The following LRP1B variants were observed in gnomAD, a reference collection of about 807,000 sequenced individuals.
LRP1B encodes LDL receptor related protein 1B.
A neutral mutation model predicts 556.6 loss-of-function variants in LRP1B; 217 were observed. The ratio of observed to expected loss-of-function variants is 0.39; its 90% confidence interval spans 0.35 to 0.44. LRP1B has a LOEUF of 0.44. Among genes scored for constraint, LRP1B ranks in the 20% least tolerant of loss-of-function variants. The pLI is 1.00. For missense variants in LRP1B, 5,053 were observed against 5,620.8 expected (o/e 0.90, Z 3.23); for synonymous variants, 2,047 against 1,865.8 (o/e 1.10, Z -2.50).
At chr2:140,735,316 T>C (rs1307241923) in intron 35 of LRP1B, among the ~76,000 whole-genome samples, 11 of 152,166 alleles carry the variant, frequency 7.2e-5, no homozygotes, top group Admixed American at 7.2e-4. Flanking sequence ...TGATTACTGC[T>C]ACATTGTAAT....
chr2:140,389,709 T>G (rs907342845), intron 66 of LRP1B, among the ~76,000 whole-genome samples: 4 of 145,376 alleles, frequency 2.8e-5, no homozygotes, highest in African/African-American at 1.0e-4. Flanking sequence ...TTCCAAAGTT[T>G]TATATATATA....
intron 23 of LRP1B, among the ~76,000 whole-genome samples, chr2:140,887,319 C>T (rs924908837): frequency 1.2e-4 from 19 of 152,070 alleles, no homozygotes; most frequent in African/African-American, 3.9e-4. Flanking sequence ...GAAAAATTAC[C>T]TAATTTTGGA....
chr2:141,178,888 A>G (rs189386171), intron 7 of LRP1B, among the ~76,000 whole-genome samples: 133 of 152,216 alleles, frequency 8.7e-4, no homozygotes, highest in African/African-American at 2.1e-3. Context: ...CCATCAGCAT[A>G]TAACACTCTT....
At chr2:141,422,394 T>C (rs1680177828) in intron 3 of LRP1B, among the ~76,000 whole-genome samples, 1 of 152,158 alleles carries the variant, frequency 6.6e-6, no homozygotes, top group African/African-American at 2.4e-5. Context: ...CACTTCAAAA[T>C]TTTTAAGAAT....
intron 7 of LRP1B, among the ~76,000 whole-genome samples, chr2:141,182,789 T>C (rs1558916877): frequency 6.6e-6 from 1 of 151,848 alleles, no homozygotes; most frequent in African/African-American, 2.4e-5. Flanking sequence ...TTGGAAGTAG[T>C]TAAGAAGTTA....
intron 2 of LRP1B, among the ~76,000 whole-genome samples, chr2:141,544,413 T>TCC (rs1481781246): frequency 0.046 from 4,095 of 88,172 alleles, 385 homozygotes; most frequent in East Asian, 0.071. Context: ...CTCCTCCTCC[T>TCC]TCTCCTCCTT....
intron 83 of LRP1B, among the ~76,000 whole-genome samples, chr2:140,305,320 C>T (rs1331520434): frequency 6.6e-6 from 1 of 152,150 alleles, no homozygotes; most frequent in Non-Finnish European, 1.5e-5. Context: ...TTTGTGTCCT[C>T]TTTTATTTTG....
At chr2:141,016,149 A>C (rs1392239731) in intron 12 of LRP1B, among the ~76,000 whole-genome samples, 1 of 152,076 alleles carries the variant, frequency 6.6e-6, no homozygotes, top group Non-Finnish European at 1.5e-5. Flanking sequence ...TACCACCACT[A>C]TCGCACTTAC....
At chr2:140,470,826 T>A (rs563828411) in intron 60 of LRP1B, among the ~76,000 whole-genome samples, 1 of 152,150 alleles carries the variant, frequency 6.6e-6, no homozygotes, top group South Asian at 2.1e-4. Flanking sequence ...TGTTCAGGGT[T>A]AATAAGCTAG....
intron 35 of LRP1B, among the ~76,000 whole-genome samples, chr2:140,760,820 C>T (rs1048135806): frequency 2.0e-5 from 3 of 151,940 alleles, no homozygotes; most frequent in African/African-American, 4.8e-5. Context: ...ACCCGGGAGG[C>T]GGAAGTTGCA....
rs1172830314 is a variant in LRP1B at position 141,702,776 on chromosome 2, A to G, written c.205+107503T>C. Among the ~76,000 whole-genome samples the G allele has an allele frequency of 2.0e-5, 3 of 151,954 alleles. No homozygotes were observed. The East Asian group carries it at 5.8e-4, about 29-fold the overall frequency. On this transcript the variant is annotated intron_variant, in intron 2 of 90. Transcript: ENST00000389484. Reference sequence around the variant, plus strand: ...TATTGTCCTAACCCAGGTGTGAGGTATTAAGGCCCAAACAGTTGTGGGACT... The same window carrying G: ...TATTGTCCTAACCCAGGTGTGAGGTGTTAAGGCCCAAACAGTTGTGGGACT...
At chr2:141,870,614 G>A (rs1204507801) in intron 1 of LRP1B, among the ~76,000 whole-genome samples, 1 of 151,874 alleles carries the variant, frequency 6.6e-6, no homozygotes, top group African/African-American at 2.4e-5. Flanking sequence ...ACTCTTGCTT[G>A]CATTTACATT....
chr2:140,626,693 C>A (rs1317238310), intron 41 of LRP1B, among the ~76,000 whole-genome samples: 2 of 97,344 alleles, frequency 2.1e-5, no homozygotes, highest in African/African-American at 8.2e-5. Flanking sequence ...AAATTTAAAG[C>A]TTCCATTTAA....
At chr2:141,013,799 CTAGA>C (rs1220973537) in intron 13 of LRP1B, 54 bp from the exon 14 acceptor site, 1 of 1,052,974 alleles carries the variant, frequency 9.5e-7, no homozygotes, top group Non-Finnish European at 1.3e-6. Context: ...AGAAACATAA[CTAGA>C]TATTTAGAGA....
At chr2:140,981,485 C>T (rs1216805054) in intron 18 of LRP1B, among the ~76,000 whole-genome samples, 1 of 152,012 alleles carries the variant, frequency 6.6e-6, no homozygotes, top group African/African-American at 2.4e-5. Flanking sequence ...TACTGTGTTT[C>T]AGTAGACATT....
chr2:141,514,048 T>C (rs1406129845), intron 2 of LRP1B, among the ~76,000 whole-genome samples: 1 of 152,182 alleles, frequency 6.6e-6, no homozygotes, highest in Admixed American at 6.5e-5. Context: ...TCTCAGTTCC[T>C]CAGTGTGGTC....
intron 35 of LRP1B, among the ~76,000 whole-genome samples, chr2:140,748,423 TA>T (rs1245852030): frequency 2.8e-5 from 3 of 106,828 alleles, no homozygotes; most frequent in South Asian, 3.1e-4. Flanking sequence ...ATATAATATA[TA>T]TTATATTTAT....
intron 43 of LRP1B, among the ~76,000 whole-genome samples, chr2:140,566,393 G>T (rs567784506): frequency 7.2e-5 from 11 of 152,150 alleles, no homozygotes; most frequent in Middle Eastern, 3.2e-3. Flanking sequence ...TGGAGCTAAA[G>T]TTGTTCACCT....
intron 2 of LRP1B, among the ~76,000 whole-genome samples, chr2:141,675,337 T>C (rs751732809): frequency 2.0e-5 from 3 of 151,922 alleles, no homozygotes; most frequent in Non-Finnish European, 4.4e-5. Flanking sequence ...AGCTTAAAGT[T>C]ACAAAAATAA....
Sources: allele counts gnomAD v4.1 joint callset (sites outside exome capture counted in the v4.1 genomes callset), GRCh38; gene constraint gnomAD v4.1.1; transcripts MANE v1.5; gene names NCBI Gene and HGNC (gene_info 2026-07-23, HGNC 2026-07-21).